Variants in DAPK1 observed in about 807,000 individuals in gnomAD.
DAPK1 encodes the protein death-associated protein kinase 1.
Under a neutral mutation model 144.9 loss-of-function variants are expected in DAPK1, and 56 were observed. The observed-to-expected ratio is 0.39, with a 90% CI of 0.31 to 0.48. DAPK1 has a LOEUF of 0.48. Ranked by LOEUF, DAPK1 falls within the 20% of genes least tolerant of loss-of-function variation. The pLI, the probability that DAPK1 is intolerant of heterozygous loss-of-function variation, is 0.95. For missense variants in DAPK1, 1,454 were observed against 1,875.4 expected, an observed-to-expected ratio of 0.78 and a Z score of 4.15; for synonymous variants, 690 against 749.0, an observed-to-expected ratio of 0.92 and a Z score of 1.29.
intron 3 of DAPK1, among the ~76,000 whole-genome samples, chr9:87,620,649 G>A (rs1829262428): frequency 6.6e-6 from 1 of 151,804 alleles, no homozygotes; most frequent in Non-Finnish European, 1.5e-5. Flanking sequence ...GGAGGACTGG[G>A]AGTAGGACAG....
chr9:87,573,128 A>G (rs2118763586), intron 2 of DAPK1, among the ~76,000 whole-genome samples: 1 of 152,320 alleles, frequency 6.6e-6, no homozygotes, highest in East Asian at 1.9e-4. Flanking sequence ...TTCCCTCCTC[A>G]TAATACCTCT....
At position 87,529,381 on chromosome 9, in the gene DAPK1, C is replaced by A. The variant is rs573919951; in HGVS notation, c.62+30242C>A. On this transcript the variant is annotated intron_variant, in intron 2 of 25. Coordinates refer to ENST00000408954, the MANE Select transcript of DAPK1 (RefSeq NM_004938.4). The stretch of plus-strand genomic sequence containing the variant: ...AGATTCGCTTCCAGTAACACTAGTA[C>A]CTAGTAGTTTCTAAGGTATTTCTAA... 1.9e-3 allele frequency among the ~76,000 whole-genome samples: 291 copies of A among 152,194 alleles called. 3 individuals are homozygous for A. The highest frequency in any genetic ancestry group is 6.6e-3 in the African/African-American group (273 of 41,498).
At chr9:87,619,726 A>G (rs1211616816) in intron 3 of DAPK1, among the ~76,000 whole-genome samples, 1 of 152,192 alleles carries the variant, frequency 6.6e-6, no homozygotes, top group African/African-American at 2.4e-5. Context: ...ATGGGACTCC[A>G]CGGGACAGGC....
intron 15 of DAPK1, among the ~76,000 whole-genome samples, chr9:87,649,318 T>C (rs929978193): frequency 6.6e-6 from 1 of 152,222 alleles, no homozygotes; most frequent in African/African-American, 2.4e-5. Context: ...TATATGTATC[T>C]AGCGATGTTG....
At chr9:87,601,030 T>C (rs1401567051) in intron 2 of DAPK1, among the ~76,000 whole-genome samples, 1 of 152,136 alleles carries the variant, frequency 6.6e-6, no homozygotes, top group Non-Finnish European at 1.5e-5. Context: ...TAAGTTGTTG[T>C]TGTCTTTGGG....
intron 2 of DAPK1, among the ~76,000 whole-genome samples, chr9:87,550,374 CAA>C (rs951164687): frequency 6.6e-6 from 1 of 152,248 alleles, no homozygotes; most frequent in African/African-American, 2.4e-5. Context: ...GTAGTTCAAA[CAA>C]GAGAAATTTA....
At position 87,636,271 on chromosome 9, in the gene DAPK1, T is replaced by G. The variant is rs192648375; in HGVS notation, c.285-1672T>G. On this transcript the variant is annotated intron_variant, in intron 3 of 25. Coordinates refer to ENST00000408954, the MANE Select transcript of DAPK1 (RefSeq NM_004938.4). ...TGTCCTGGCTGGGCCCAGGCCCTGC[T>G]GTGTCCCCTGGAGGATAGGGGAGGC... is the stretch of plus-strand genomic sequence containing the variant. Among the ~76,000 whole-genome samples the G allele has an allele frequency of 4.5e-4, 69 of 152,240 alleles. No individual in the cohort carries two copies. The East Asian group carries it at 0.012, about 26-fold the overall frequency.
chr9:87,654,811 G>T (rs896574510), intron 17 of DAPK1, among the ~76,000 whole-genome samples: 1 of 152,162 alleles, frequency 6.6e-6, no homozygotes, highest in African/African-American at 2.4e-5. Flanking sequence ...GAGGAGAGAG[G>T]AGGAGCTGAG....
At chr9:87,661,353 G>A (rs968384478) in intron 18 of DAPK1, among the ~76,000 whole-genome samples, 1 of 152,072 alleles carries the variant, frequency 6.6e-6, no homozygotes, top group Non-Finnish European at 1.5e-5. Flanking sequence ...GGAATGAATG[G>A]GAGTTCTATT....
At chr9:87,638,187 T>C in intron 4 of DAPK1, 106 bp downstream of exon 4, 1 of 1,225,202 alleles carries the variant, frequency 8.2e-7, no homozygotes, top group Non-Finnish European at 1.1e-6. Context: ...ATGATTTTCC[T>C]GTACCAGTTT....
At chr9:87,548,360 A>G (rs1377442462) in intron 2 of DAPK1, among the ~76,000 whole-genome samples, 5 of 152,186 alleles carry the variant, frequency 3.3e-5, no homozygotes, top group Admixed American at 3.3e-4. Flanking sequence ...GAACCTCAGT[A>G]TCACCATCTG....
chr9:87,530,692 C>T (rs1825668431), intron 2 of DAPK1, among the ~76,000 whole-genome samples: 2 of 152,144 alleles, frequency 1.3e-5, no homozygotes, highest in African/African-American at 2.4e-5. Flanking sequence ...CTAGGGAATT[C>T]TGACATTATG....
chr9:87,569,934 T>A (rs1165954817), intron 2 of DAPK1, among the ~76,000 whole-genome samples: 1 of 152,252 alleles, frequency 6.6e-6, no homozygotes, highest in African/African-American at 2.4e-5. Context: ...CATAAACTAC[T>A]ACTTCTAGAC....
intron 2 of DAPK1, among the ~76,000 whole-genome samples, chr9:87,570,225 C>T (rs1827279624): frequency 6.6e-6 from 1 of 152,088 alleles, no homozygotes; most frequent in Non-Finnish European, 1.5e-5. Flanking sequence ...CCTCATTTTC[C>T]CTCCCATATG....
intron 17 of DAPK1, among the ~76,000 whole-genome samples, chr9:87,652,601 G>A (rs1335877678): frequency 7.0e-6 from 1 of 142,632 alleles, no homozygotes; most frequent in Non-Finnish European, 1.5e-5. Flanking sequence ...TCTCTCACCT[G>A]ATCCCAGGTC....
At chr9:87,618,504 A>T (rs1829177964) in intron 3 of DAPK1, among the ~76,000 whole-genome samples, 1 of 152,244 alleles carries the variant, frequency 6.6e-6, no homozygotes, top group Non-Finnish European at 1.5e-5. Context: ...TATTATTCAT[A>T]CTAGCCAAAA....
intron 19 of DAPK1, among the ~76,000 whole-genome samples, chr9:87,675,511 T>C (rs990120399): frequency 6.6e-6 from 1 of 151,954 alleles, no homozygotes; most frequent in South Asian, 2.1e-4. Context: ...CAGAGAACAA[T>C]GCCCGACATG....
At chr9:87,567,261 G>C (rs866888150) in intron 2 of DAPK1, among the ~76,000 whole-genome samples, 2 of 152,166 alleles carry the variant, frequency 1.3e-5, no homozygotes, top group South Asian at 4.1e-4. Context: ...ACTCAAATGA[G>C]CTGTGTAGTA....
chr9:87,534,544 C>G (rs1262830225), intron 2 of DAPK1, among the ~76,000 whole-genome samples: 1 of 152,050 alleles, frequency 6.6e-6, no homozygotes, highest in Admixed American at 6.5e-5. Flanking sequence ...CTGCAGTGTT[C>G]TTGTTAGGTA....
Sources: gnomAD v4.1 joint callset for allele counts (sites outside exome capture counted in the v4.1 genomes callset) on GRCh38, gnomAD v4.1.1 for gene constraint, MANE v1.5 for transcripts, NCBI Gene and HGNC (gene_info 2026-07-23, HGNC 2026-07-21) for gene names.